EVI5: variants seen among roughly 807,000 people sequenced by gnomAD.
The protein encoded by EVI5 is ecotropic viral integration site 5 protein homolog.
A neutral mutation model predicts 112.0 loss-of-function variants in EVI5; 73 were observed. That is an observed-to-expected ratio of 0.65 (90% CI 0.54 to 0.79). The LOEUF (loss-of-function observed/expected upper bound fraction) is 0.79, where lower values mean the gene tolerates loss of function less well. EVI5 is among the 30% of genes least tolerant of loss of function. The probability of loss-of-function intolerance (pLI) is 0.00; values close to 1 mark genes in which losing one functional copy is unlikely to be tolerated. For synonymous variants in EVI5, 305 were observed against 319.9 expected (o/e 0.95, Z 0.50); for missense variants, 900 against 968.8 (o/e 0.93, Z 0.94).
At chr1:92,688,127 C>T (rs1355030611) in intron 9 of EVI5, among the ~76,000 whole-genome samples, 2 of 152,268 alleles carry the variant, frequency 1.3e-5, no homozygotes, top group South Asian at 4.1e-4. Context: ...AGACTTGGAA[C>T]CAACCCAAAT....
At chr1:92,714,380 A>G (rs1263303769) in intron 2 of EVI5, among the ~76,000 whole-genome samples, 1 of 152,230 alleles carries the variant, frequency 6.6e-6, no homozygotes, top group Non-Finnish European at 1.5e-5. Context: ...CCTAAATAAA[A>G]GCATCTACTT....
In EVI5 at chr1:92,710,101, G is replaced by A. The variant is rs868036315; in HGVS notation, c.150-5357C>T. On this transcript the variant is annotated intron_variant, in intron 2 of 19. Transcript: ENST00000684568. Reference sequence around the variant, plus strand: ...TATTGCAAAGCAAAAAAAAAAAAAAGGGAGGCCGAGGCAGGTGGATTGCTT... The same window carrying A: ...TATTGCAAAGCAAAAAAAAAAAAAAAGGAGGCCGAGGCAGGTGGATTGCTT... 9.3e-3 allele frequency among the ~76,000 whole-genome samples: 162 copies of A among 17,390 alleles called. 2 individuals carry two copies. The highest frequency in any genetic ancestry group is 0.027 in the African/African-American group (146 of 5,364). The allele number at this position is 17,390 out of a possible 152,430, so 11.4% of individuals were successfully genotyped here.
chr1:92,527,112 G>A (rs557034542), intron 19 of EVI5, among the ~76,000 whole-genome samples: 2 of 152,180 alleles, frequency 1.3e-5, no homozygotes, highest in East Asian at 1.9e-4. Context: ...GAGGCTATGT[G>A]TGTTTCAAGA....
At chr1:92,665,902 A>G in intron 11 of EVI5, 37 bp downstream of exon 11, 2 of 1,428,048 alleles carry the variant, frequency 1.4e-6, no homozygotes, top group Non-Finnish European at 9.6e-7. Flanking sequence ...AACACCAGGC[A>G]TTCAACAGAA....
rs374802942 is a variant in EVI5 at position 92,605,334 on chromosome 1, T to C, written c.2043A>G (p.Arg681=). 5.0e-6 allele frequency: 8 copies of C among 1,612,792 alleles called. No homozygotes were observed. The African/African-American group carries it at 1.1e-4, about 22-fold the overall frequency. Residue 681 remains arginine, a synonymous_variant, in exon 18 of 20, where the codon CGA becomes CGG. Transcript: ENST00000684568. ...ADSIAAVAEL[R]QHIAELEIQK... is the part of the protein sequence containing the mutation. ...GGATTTCAAGCTCAGCAATGTGTTG[T>C]CGTAGTTCAGCCACAGCAGCTATGC...
In EVI5 at chr1:92,714,060, A is replaced by T. The variant is rs189341399; in HGVS notation, c.150-9316T>A. The T allele has an allele frequency of 1.9e-4, 189 of 984,630 alleles. No homozygotes were observed. The African/African-American group carries it at 3.2e-3, about 17-fold the overall frequency. The allele number at this position is 984,630 out of a possible 1,614,324, so 61.0% of individuals were successfully genotyped here. ...AAAATGAAAAAAGAAAAGCACATTT[A>T]ACACACAAGGGGGAAAAAAAACTAT... On this transcript the variant is annotated intron_variant, in intron 2 of 19. Transcript: ENST00000684568.
intron 19 of EVI5, among the ~76,000 whole-genome samples, chr1:92,558,837 T>TA (rs35604457): frequency 0.1 from 12,390 of 120,662 alleles, 1,525 homozygotes; most frequent in African/African-American, 0.31. Context: ...CCCCCATCTC[T>TA]AAAAAAAAAA....
At chr1:92,765,619 A>T (rs556837368) in intron 1 of EVI5, among the ~76,000 whole-genome samples, 67 of 152,120 alleles carry the variant, frequency 4.4e-4, no homozygotes, top group African/African-American at 1.5e-3. Context: ...TTTCCCAGGC[A>T]TCAATTCTTT....
chr1:92,685,626 AAG>A (rs780640694), intron 9 of EVI5, among the ~76,000 whole-genome samples: 1 of 152,202 alleles, frequency 6.6e-6, no homozygotes, highest in Non-Finnish European at 1.5e-5. Flanking sequence ...TGGTGTTTTG[AAG>A]AGATTAACAA....
In EVI5 at chr1:92,719,314, C is replaced by A. The variant is rs184834744; in HGVS notation, c.150-14570G>T. ...AATCCTCAATAAAATACTGGCAAAC[C>A]GAATCCAGCAGCACATCAAAAAGCT... On this transcript the variant is annotated intron_variant, in intron 2 of 19. Transcript: ENST00000684568. Among the ~76,000 whole-genome samples the A allele has an allele frequency of 2.3e-4, 35 of 152,060 alleles. 1 individual carries two copies. The East Asian group carries it at 5.0e-3, about 22-fold the overall frequency.
chr1:92,772,320 G>A (rs371491473), intron 1 of EVI5, among the ~76,000 whole-genome samples: 10 of 152,164 alleles, frequency 6.6e-5, no homozygotes, highest in African/African-American at 2.4e-4. Flanking sequence ...AAACTGGCCA[G>A]GCGAGGTGGC....
intron 19 of EVI5, among the ~76,000 whole-genome samples, chr1:92,543,189 G>A (rs1227455692): frequency 6.6e-6 from 1 of 152,152 alleles, no homozygotes; most frequent in Non-Finnish European, 1.5e-5. Context: ...TCTGTTGTTT[G>A]GGGTGGCCTC....
At chr1:92,563,569 C>G (rs749335927) in intron 19 of EVI5, 73 bp downstream of exon 19, 112 of 691,558 alleles carry the variant, frequency 1.6e-4, no homozygotes, top group Non-Finnish European at 1.9e-4. Flanking sequence ...AGTCTTATAA[C>G]CAGTAATAAA....
At position 92,636,356 on chromosome 1, in the gene EVI5, A is replaced by G; in HGVS notation, c.1393-20T>C. ...TTTATGCTAAAGGTTACAGACATAC[A>G]CTGAAATTTCATGAAAGTATAAACA... On this transcript the variant is annotated intron_variant, in intron 13 of 19. Coordinates refer to ENST00000684568, the MANE Select transcript of EVI5 (RefSeq NM_001350197.2). The G allele has an allele frequency of 6.2e-7, 1 of 1,606,140 alleles. No homozygotes were observed. The highest frequency in any genetic ancestry group is 1.1e-5 in the South Asian group (1 of 90,222).
At chr1:92,703,047 T>C (rs1671444623) in intron 4 of EVI5, among the ~76,000 whole-genome samples, 1 of 152,038 alleles carries the variant, frequency 6.6e-6, no homozygotes, top group Non-Finnish European at 1.5e-5. Flanking sequence ...GCAGAAAAAT[T>C]TGCTCACTGT....
At chr1:92,591,923 T>G (rs1033214984) in intron 18 of EVI5, among the ~76,000 whole-genome samples, 1 of 152,144 alleles carries the variant, frequency 6.6e-6, no homozygotes, top group African/African-American at 2.4e-5. Flanking sequence ...CAGACCACAG[T>G]ACAATCAAAC....
intron 2 of EVI5, chr1:92,733,154 C>G (rs1250151789): frequency 1.3e-5 from 3 of 226,618 alleles, no homozygotes; most frequent in African/African-American, 4.6e-5. Context: ...CTTTGGAAAC[C>G]TGGATTGCTA....
chr1:92,679,419 T>C (rs932761484), intron 9 of EVI5, among the ~76,000 whole-genome samples: 1 of 152,202 alleles, frequency 6.6e-6, no homozygotes, highest in African/African-American at 2.4e-5. Flanking sequence ...CCTTCACAAA[T>C]GACTACTCTG....
chr1:92,719,691 C>G (rs370783438), intron 2 of EVI5, among the ~76,000 whole-genome samples: 1 of 151,860 alleles, frequency 6.6e-6, no homozygotes, highest in African/African-American at 2.4e-5. Context: ...TGGAAGTTCT[C>G]GCCAGGGTAA....
Sources: allele counts gnomAD v4.1 joint callset (sites outside exome capture counted in the v4.1 genomes callset), GRCh38; gene constraint gnomAD v4.1.1; transcripts MANE v1.5; gene names NCBI Gene and HGNC (gene_info 2026-07-23, HGNC 2026-07-21).